FAM135B: variants seen among roughly 807,000 people sequenced by gnomAD.
FAM135B encodes the protein protein FAM135B.
A neutral mutation model predicts 127.7 loss-of-function variants in FAM135B; 43 were observed. That is an observed-to-expected ratio of 0.34 (90% CI 0.26 to 0.43). The LOEUF is 0.43. Among genes scored for constraint, FAM135B ranks in the 20% least tolerant of loss-of-function variants. The probability of loss-of-function intolerance (pLI) is 1.00; values close to 1 mark genes in which losing one functional copy is unlikely to be tolerated. For missense variants in FAM135B, 1,558 were observed against 1,725.6 expected (o/e 0.90, Z 1.72); for synonymous variants, 670 against 665.1 (o/e 1.01, Z -0.11).
chr8:138,418,314 C>A (rs568997705), intron 1 of FAM135B, among the ~76,000 whole-genome samples: 5 of 152,144 alleles, frequency 3.3e-5, no homozygotes, highest in African/African-American at 1.2e-4. Context: ...AAGACCAAAC[C>A]TATGACTCAT....
At chr8:138,160,311 C>G (rs1284657400) in intron 12 of FAM135B, among the ~76,000 whole-genome samples, 1 of 152,126 alleles carries the variant, frequency 6.6e-6, no homozygotes, top group Non-Finnish European at 1.5e-5. Context: ...TGGAAACCCA[C>G]AATTTATAGC....
At chr8:138,183,930 A>G (rs539637518) in intron 9 of FAM135B, among the ~76,000 whole-genome samples, 2 of 152,336 alleles carry the variant, frequency 1.3e-5, no homozygotes, top group South Asian at 4.1e-4. Flanking sequence ...ATATAAATAG[A>G]ACTCAGTCCC....
At chr8:138,295,550 A>C (rs1825422084) in intron 3 of FAM135B, among the ~76,000 whole-genome samples, 2 of 152,256 alleles carry the variant, frequency 1.3e-5, no homozygotes, top group Admixed American at 1.3e-4. Context: ...GCCACAAAAC[A>C]GAGGTGCCTG....
intron 2 of FAM135B, among the ~76,000 whole-genome samples, chr8:138,366,414 C>T (rs1263388896): frequency 6.6e-6 from 1 of 152,114 alleles, no homozygotes; most frequent in Non-Finnish European, 1.5e-5. Flanking sequence ...GCCCAGGGCT[C>T]CTATCAATAT....
chr8:138,169,215 A>T (rs551382424), intron 11 of FAM135B, among the ~76,000 whole-genome samples: 1 of 151,926 alleles, frequency 6.6e-6, no homozygotes, highest in African/African-American at 2.4e-5. Flanking sequence ...TCATTTTTCA[A>T]TTGGATCTTA....
At chr8:138,226,826 T>C (rs7827616) in intron 7 of FAM135B, among the ~76,000 whole-genome samples, 2,842 of 152,244 alleles carry the variant, frequency 0.019, 74 homozygotes, top group African/African-American at 0.064. Context: ...CCTCCCAAAG[T>C]GCTGGGATTA....
At chr8:138,222,226 A>G (rs1366795318) in intron 7 of FAM135B, among the ~76,000 whole-genome samples, 1 of 152,224 alleles carries the variant, frequency 6.6e-6, no homozygotes, top group Non-Finnish European at 1.5e-5. Context: ...GAGAAAAGGC[A>G]GATACAGGAG....
At chr8:138,458,992 G>C (rs967753601) in intron 1 of FAM135B, 3 of 152,234 alleles carry the variant, frequency 2.0e-5, no homozygotes, top group African/African-American at 7.2e-5. Flanking sequence ...CCCTACACAG[G>C]CAAGCCCAGG....
Position 138,225,983 on chromosome 8 carries a change from C to T in FAM135B, c.669+16959G>A, listed in dbSNP as rs376427326. On this transcript the variant is annotated intron_variant, in intron 7 of 19. Coordinates refer to ENST00000395297, the MANE Select transcript of FAM135B (RefSeq NM_015912.4). ...TAGGGGCCTAGCAGAACCTGGAATT[C>T]ATGTTTAATTAGAAGAGGAGAGAGT... Among the ~76,000 whole-genome samples the T allele has an allele frequency of 2.6e-5, 4 of 151,996 alleles. No homozygotes were observed. The East Asian group carries it at 5.8e-4, about 22-fold the overall frequency.
chr8:138,218,766 C>G lies in FAM135B; in HGVS notation c.670-21097G>C, dbSNP rs4909762. On this transcript the variant is annotated intron_variant, in intron 7 of 19. Coordinates refer to ENST00000395297, the MANE Select transcript of FAM135B (RefSeq NM_015912.4). The stretch of plus-strand genomic sequence containing the variant: ...CCAAACTTACACGCACACACACACA[C>G]AGAGAGAGAGAGAGAGAGAGAGAGA... 8.6e-3 allele frequency among the ~76,000 whole-genome samples: 691 copies of G among 80,348 alleles called. 4 individuals carry two copies. The highest frequency in any genetic ancestry group is 0.025 in the African/African-American group (627 of 24,818). The allele number at this position is 80,348 out of a possible 152,430, so 52.7% of individuals were successfully genotyped here. A position where few individuals can be genotyped will look rare whatever the true frequency, so the allele number is the denominator to read the frequency against.
chr8:138,423,594 A>G (rs773429082), intron 1 of FAM135B, among the ~76,000 whole-genome samples: 3 of 152,202 alleles, frequency 2.0e-5, no homozygotes, highest in Non-Finnish European at 4.4e-5. Context: ...TTCACAAGAT[A>G]ATAGAATATC....
intron 1 of FAM135B, among the ~76,000 whole-genome samples, chr8:138,446,012 G>A (rs538435943): frequency 6.6e-6 from 1 of 151,976 alleles, no homozygotes; most frequent in East Asian, 1.9e-4. Context: ...CACCAATAAT[G>A]GAAAAACAGA....
At chr8:138,298,637 T>C (rs12542289) in intron 3 of FAM135B, among the ~76,000 whole-genome samples, 54,630 of 152,014 alleles carry the variant, frequency 0.36, 10,220 homozygotes, top group African/African-American at 0.44. Context: ...GGATTTTTTT[T>C]CTCATGGTTT....
intron 2 of FAM135B, among the ~76,000 whole-genome samples, chr8:138,338,145 C>A (rs1828754628): frequency 6.6e-6 from 1 of 152,122 alleles, no homozygotes; most frequent in Non-Finnish European, 1.5e-5. Context: ...AGACCTGAAA[C>A]CATAAAAACC....
intron 2 of FAM135B, among the ~76,000 whole-genome samples, chr8:138,354,425 C>CTCTCAGGCAT: frequency 6.6e-6 from 1 of 152,270 alleles, no homozygotes; most frequent in East Asian, 1.9e-4. Flanking sequence ...TTCTCAATGC[C>CTCTCAGGCAT]TGAGACCCCC....
chr8:138,165,268 G>A (rs1044511046), intron 12 of FAM135B, among the ~76,000 whole-genome samples: 1 of 151,960 alleles, frequency 6.6e-6, no homozygotes, highest in East Asian at 2.0e-4. Context: ...TTACAGGCAT[G>A]TGCCACCACA....
At chr8:138,177,450 A>G in intron 10 of FAM135B, 30 bp from the exon 11 acceptor site, 6 of 1,585,034 alleles carry the variant, frequency 3.8e-6, no homozygotes, top group Non-Finnish European at 5.2e-6. Flanking sequence ...AAACAGTTCA[A>G]TTCTTTAGGT....
intron 7 of FAM135B, among the ~76,000 whole-genome samples, chr8:138,205,030 C>G (rs1817449265): frequency 1.3e-5 from 2 of 152,100 alleles, no homozygotes; most frequent in African/African-American, 4.8e-5. Context: ...ATTCTTAGTT[C>G]CTGGATTCCT....
intron 12 of FAM135B, among the ~76,000 whole-genome samples, chr8:138,163,265 A>G (rs1819571690): frequency 6.6e-6 from 1 of 152,308 alleles, no homozygotes; most frequent in South Asian, 2.1e-4. Flanking sequence ...AAACCAGACA[A>G]TCTGACAATC....
Sources: gnomAD v4.1 joint callset for allele counts (sites outside exome capture counted in the v4.1 genomes callset) on GRCh38, gnomAD v4.1.1 for gene constraint, MANE v1.5 for transcripts, NCBI Gene and HGNC (gene_info 2026-07-23, HGNC 2026-07-21) for gene names.